LGR6: variants seen among roughly 807,000 people sequenced by gnomAD.
The protein encoded by LGR6 is leucine rich repeat containing G protein-coupled receptor 6.
LGR6 carries 45 observed loss-of-function variants against 69.4 expected under a neutral mutation model. That is an observed-to-expected ratio of 0.65 (90% CI 0.51 to 0.83). The LOEUF is 0.83. Ranked by LOEUF, LGR6 falls within the 40% of genes least tolerant of loss-of-function variation. The pLI is 0.00. For synonymous variants in LGR6, 538 were observed against 555.0 expected (o/e 0.97, Z 0.43); for missense variants, 1,108 against 1,246.7 (o/e 0.89, Z 1.68).
intron 1 of LGR6, 40 bp downstream of exon 1, chr1:202,194,241 TG>T: frequency 7.1e-7 from 1 of 1,413,380 alleles, no homozygotes; most frequent in Non-Finnish European, 9.5e-7. Flanking sequence ...TCCTGCGGGC[TG>T]CTGGCTAGCG....
At chr1:202,200,706 T>C (rs1658807077) in intron 1 of LGR6, among the ~76,000 whole-genome samples, 1 of 152,150 alleles carries the variant, frequency 6.6e-6, no homozygotes, top group Non-Finnish European at 1.5e-5. Flanking sequence ...TGATCTCCAG[T>C]CCCTAATGAC....
chr1:202,216,628 G>A (rs1175358237), intron 1 of LGR6, among the ~76,000 whole-genome samples: 12 of 151,022 alleles, frequency 7.9e-5, no homozygotes, highest in Non-Finnish European at 1.8e-4. Context: ...CTCTCAGAGA[G>A]GTAGTAGAGA....
At position 202,270,355 on chromosome 1, in the gene LGR6, A is replaced by T. The variant is rs181334312; in HGVS notation, c.429-5951A>T. On this transcript the variant is annotated intron_variant, in intron 4 of 17. Transcript: ENST00000367278. ...CAACCAGGGTTCAAGTGATTCTCCT[A>T]CCGCAGCCTCCCAAGTAGCTGGGAT... Among the ~76,000 whole-genome samples, 398 of 151,816 alleles carry T rather than the reference A, an allele frequency of 2.6e-3. 5 individuals carry two copies. Among genetic ancestry groups the T allele is most frequent in the African/African-American group, 9.1e-3 (379 of 41,438 alleles).
At chr1:202,198,337 C>G (rs564182341) in intron 1 of LGR6, among the ~76,000 whole-genome samples, 42 of 152,344 alleles carry the variant, frequency 2.8e-4, no homozygotes, top group South Asian at 2.7e-3. Flanking sequence ...TTAGTTTCCT[C>G]ACCTGTAAAC....
intron 1 of LGR6, among the ~76,000 whole-genome samples, chr1:202,213,272 G>A (rs1659532573): frequency 6.6e-6 from 1 of 152,124 alleles, no homozygotes; most frequent in Non-Finnish European, 1.5e-5. Context: ...CCACCTTAGG[G>A]GTCCTGGCTG....
At chr1:202,207,960 G>T (rs370916431) in intron 1 of LGR6, among the ~76,000 whole-genome samples, 1 of 152,194 alleles carries the variant, frequency 6.6e-6, no homozygotes, top group Non-Finnish European at 1.5e-5. Flanking sequence ...TCCAGCTGTG[G>T]AGATAAATTC....
At chr1:202,246,696 G>A (rs1396172961) in intron 4 of LGR6, among the ~76,000 whole-genome samples, 1 of 152,032 alleles carries the variant, frequency 6.6e-6, no homozygotes, top group Non-Finnish European at 1.5e-5. Context: ...CAAACATGAT[G>A]TAAAATATGT....
At chr1:202,206,545 G>T (rs554569153) in intron 1 of LGR6, among the ~76,000 whole-genome samples, 2 of 152,112 alleles carry the variant, frequency 1.3e-5, no homozygotes, top group African/African-American at 2.4e-5. Context: ...TTGTGTGTGT[G>T]TGTTATTTTA....
rs557161734 is a variant in LGR6, at chr1:202,314,966, G to T, written c.1648+84G>T. The T allele has an allele frequency of 2.6e-4, 249 of 960,218 alleles. 1 individual carries two copies. Among genetic ancestry groups the T allele is most frequent in the Non-Finnish European group, 6.2e-5 (37 of 600,130 alleles). The allele number at this position is 960,218 out of a possible 1,614,324, so 59.5% of individuals were successfully genotyped here. A position where few individuals can be genotyped will look rare whatever the true frequency, so the allele number is the denominator to read the frequency against. On this transcript the variant is annotated intron_variant, in intron 17 of 17. Coordinates refer to ENST00000367278, the MANE Select transcript of LGR6 (RefSeq NM_001017403.2). ...CTAGTTGAGGTATTAGTTCAGCCTG[G>T]CATGTCTGCAGCCACATTCTTTGCC...
At chr1:202,255,216 C>T (rs1457041495) in intron 4 of LGR6, among the ~76,000 whole-genome samples, 1 of 152,132 alleles carries the variant, frequency 6.6e-6, no homozygotes, top group Admixed American at 6.5e-5. Flanking sequence ...AGATGTGTGT[C>T]CCAGAAAAGC....
intron 5 of LGR6, among the ~76,000 whole-genome samples, chr1:202,278,269 T>C (rs1000895737): frequency 7.2e-5 from 11 of 152,104 alleles, no homozygotes; most frequent in Non-Finnish European, 1.3e-4. Context: ...GGCATGACTG[T>C]GAGGGCTGTT....
At chr1:202,217,281 C>T (rs917803269) in intron 1 of LGR6, among the ~76,000 whole-genome samples, 1 of 152,116 alleles carries the variant, frequency 6.6e-6, no homozygotes, top group African/African-American at 2.4e-5. Context: ...CCATGATTTC[C>T]CAAATCTAGC....
chr1:202,287,827 C>T (rs75053265), intron 6 of LGR6, among the ~76,000 whole-genome samples: 1,674 of 152,330 alleles, frequency 0.011, 38 homozygotes, highest in African/African-American at 0.039. Context: ...CTCCAAGCCG[C>T]CATCCTTCTC....
At chr1:202,297,363 G>A (rs905366126) in intron 6 of LGR6, 145 bp from the exon 7 acceptor site, 16 of 662,286 alleles carry the variant, frequency 2.4e-5, no homozygotes, top group African/African-American at 2.2e-4. Context: ...ATTCCAAAAT[G>A]TGTTTCCAGA....
intron 1 of LGR6, among the ~76,000 whole-genome samples, chr1:202,223,367 T>A (rs1285674645): frequency 2.0e-5 from 3 of 152,200 alleles, no homozygotes; most frequent in Non-Finnish European, 2.9e-5. Flanking sequence ...GATAAAACAT[T>A]TGAGACTAAA....
At chr1:202,279,444 A>AT (rs1173424958) in intron 5 of LGR6, among the ~76,000 whole-genome samples, 1 of 152,118 alleles carries the variant, frequency 6.6e-6, no homozygotes, top group Non-Finnish European at 1.5e-5. Context: ...GGCCAGCCTG[A>AT]TTTTCTTCCC....
intron 1 of LGR6, chr1:202,203,712 G>A (rs548258708): frequency 1.8e-5 from 21 of 1,187,556 alleles, no homozygotes; most frequent in Middle Eastern, 2.4e-4. Context: ...CAGATACTGC[G>A]TAGCAGGCGG....
At chr1:202,306,511 G>C (rs571424670) in intron 12 of LGR6, among the ~76,000 whole-genome samples, 1 of 152,170 alleles carries the variant, frequency 6.6e-6, no homozygotes, top group Non-Finnish European at 1.5e-5. Flanking sequence ...GTTCCGGCCA[G>C]TCACTTGGGT....
intron 4 of LGR6, among the ~76,000 whole-genome samples, chr1:202,240,063 C>T (rs1226723365): frequency 6.6e-6 from 1 of 151,964 alleles, no homozygotes; most frequent in East Asian, 1.9e-4. Flanking sequence ...GAGTCTGGCA[C>T]GTGGTAAGAG....
Sources: allele counts gnomAD v4.1 joint callset (sites outside exome capture counted in the v4.1 genomes callset), GRCh38; gene constraint gnomAD v4.1.1; transcripts MANE v1.5; gene names NCBI Gene and HGNC (gene_info 2026-07-23, HGNC 2026-07-21).